NAV2: variants seen among roughly 807,000 people sequenced by gnomAD.
NAV2 encodes the protein neuron navigator 2, also known as helicase, APC down-regulated 1.
Under a neutral mutation model 223.2 loss-of-function variants are expected in NAV2, and 54 were observed. That is an observed-to-expected ratio of 0.24 (90% CI 0.19 to 0.30). The LOEUF is 0.30. Ranked by LOEUF, NAV2 falls within the 10% of genes least tolerant of loss-of-function variation. The pLI is 1.00. For synonymous variants in NAV2, 1,279 were observed against 1,239.3 expected, an observed-to-expected ratio of 1.03 and a Z score of -0.67; for missense variants, 2,806 against 3,147.5, an observed-to-expected ratio of 0.89 and a Z score of 2.60.
intron 1 of NAV2, among the ~76,000 whole-genome samples, chr11:19,425,172 A>T (rs554110924): frequency 2.1e-4 from 32 of 152,334 alleles, no homozygotes; most frequent in African/African-American, 6.7e-4. Context: ...TAGTTCAGTG[A>T]AGAGATTGTT....
At chr11:19,853,653 A>G (rs7109746) in intron 3 of NAV2, among the ~76,000 whole-genome samples, 1,914 of 152,196 alleles carry the variant, frequency 0.013, 36 homozygotes, top group African/African-American at 0.043. Flanking sequence ...GAACTATTAT[A>G]TGTTCCAAAT....
In NAV2 at chr11:19,488,184, G is replaced by C. The variant is rs187851238; in HGVS notation, c.75+137157G>C. On this transcript the variant is annotated intron_variant, in intron 1 of 37. Transcript: ENST00000360655. ...ATAAAGGGGTTGGGTTGGTGAATCA[G>C]AACTGCAAGGTTTCTGGGACCACTG... Among the ~76,000 whole-genome samples the C allele has an allele frequency of 1.1e-4, 17 of 152,288 alleles. No individual in the cohort carries two copies. The East Asian group carries it at 2.7e-3, about 24-fold the overall frequency.
chr11:19,832,444 C>A, intron 1 of NAV2, 40 bp from the exon 2 acceptor site: 1 of 1,530,872 alleles, frequency 6.5e-7, no homozygotes, highest in Non-Finnish European at 9.0e-7. Flanking sequence ...AGAGGGGATC[C>A]GACTGGCTTC....
intron 1 of NAV2, among the ~76,000 whole-genome samples, chr11:19,605,621 G>A (rs993113314): frequency 6.6e-6 from 1 of 152,088 alleles, no homozygotes; most frequent in African/African-American, 2.4e-5. Flanking sequence ...GAGGATGGAA[G>A]GGTTAGCGGG....
At chr11:19,930,509 C>T (rs1354547009) in intron 6 of NAV2, among the ~76,000 whole-genome samples, 1 of 152,098 alleles carries the variant, frequency 6.6e-6, no homozygotes, top group Non-Finnish European at 1.5e-5. Flanking sequence ...CTAAGACCCC[C>T]GTCCTTTTCT....
intron 33 of NAV2, 60 bp downstream of exon 33, chr11:20,103,469 C>A (rs1310797155): frequency 3.2e-6 from 5 of 1,577,546 alleles, no homozygotes; most frequent in Non-Finnish European, 4.3e-6. Context: ...GCTGATGGGG[C>A]ACTGTGCACA....
chr11:19,954,019 G>T (rs185742757), intron 10 of NAV2, among the ~76,000 whole-genome samples: 24 of 152,274 alleles, frequency 1.6e-4, no homozygotes, highest in African/African-American at 5.8e-4. Flanking sequence ...AGGACCTTAT[G>T]CTTATATAAC....
chr11:19,927,438 C>T (rs904237875), intron 6 of NAV2, among the ~76,000 whole-genome samples: 16 of 152,254 alleles, frequency 1.1e-4, no homozygotes, highest in African/African-American at 2.9e-4. Context: ...AAAAATTAGC[C>T]GGGCATGGTG....
At chr11:19,829,463 G>A (rs903736313) in intron 1 of NAV2, among the ~76,000 whole-genome samples, 1 of 152,158 alleles carries the variant, frequency 6.6e-6, no homozygotes, top group African/African-American at 2.4e-5. Flanking sequence ...GGCTGTGGCC[G>A]ATTTTGTTAT....
At chr11:19,997,703 T>A (rs545082722) in intron 11 of NAV2, among the ~76,000 whole-genome samples, 15 of 152,294 alleles carry the variant, frequency 9.8e-5, no homozygotes, top group African/African-American at 3.6e-4. Flanking sequence ...TAGGGCTGTC[T>A]GGCTCTAAAG....
chr11:19,575,747 G>T (rs560126688), intron 1 of NAV2, among the ~76,000 whole-genome samples: 25 of 152,298 alleles, frequency 1.6e-4, no homozygotes, highest in African/African-American at 5.8e-4. Flanking sequence ...GCTCCCGATG[G>T]CCAGGGATCC....
At chr11:19,609,692 T>A (rs1241287624) in intron 1 of NAV2, among the ~76,000 whole-genome samples, 2 of 152,170 alleles carry the variant, frequency 1.3e-5, no homozygotes, top group Non-Finnish European at 2.9e-5. Context: ...CAGCCTTAAC[T>A]GCGGAGGGAG....
chr11:19,831,022 C>T (rs1412053050), intron 1 of NAV2, among the ~76,000 whole-genome samples: 1 of 151,910 alleles, frequency 6.6e-6, no homozygotes, highest in East Asian at 1.9e-4. Context: ...CAGTGGAAGA[C>T]AGAGCTTCTA....
chr11:19,695,421 T>C (rs1222185334), intron 1 of NAV2, among the ~76,000 whole-genome samples: 1 of 151,924 alleles, frequency 6.6e-6, no homozygotes, highest in African/African-American at 2.4e-5. Context: ...CTTTTTTTTT[T>C]CTAGATTTTG....
intron 1 of NAV2, among the ~76,000 whole-genome samples, chr11:19,496,571 A>G (rs1032134421): frequency 2.2e-4 from 33 of 152,314 alleles, no homozygotes; most frequent in African/African-American, 7.9e-4. Context: ...AACAAGGCAG[A>G]TGCCCCAGTG....
chr11:20,115,414 C>G (rs570573351), intron 37 of NAV2, among the ~76,000 whole-genome samples: 1 of 151,858 alleles, frequency 6.6e-6, no homozygotes, highest in Non-Finnish European at 1.5e-5. Flanking sequence ...GCGGGTGGAT[C>G]GAGGTCAGGA....
intron 11 of NAV2, among the ~76,000 whole-genome samples, chr11:20,026,368 T>C (rs1001444921): frequency 6.6e-6 from 1 of 152,128 alleles, no homozygotes; most frequent in Admixed American, 6.6e-5. Flanking sequence ...TGGAGTTCAG[T>C]GATGCAATCT....
chr11:19,460,186 C>G (rs1342197462), intron 1 of NAV2, among the ~76,000 whole-genome samples: 1 of 152,188 alleles, frequency 6.6e-6, no homozygotes, highest in East Asian at 1.9e-4. Flanking sequence ...AGTTTCTTTC[C>G]TTTTTCCTTT....
At chr11:19,388,690 T>C (rs564909727) in intron 1 of NAV2, among the ~76,000 whole-genome samples, 1 of 152,298 alleles carries the variant, frequency 6.6e-6, no homozygotes, top group East Asian at 1.9e-4. Context: ...ACGTTAGCAG[T>C]GTAGGTACGC....
Sources: gnomAD v4.1 joint callset for allele counts (sites outside exome capture counted in the v4.1 genomes callset) on GRCh38, gnomAD v4.1.1 for gene constraint, MANE v1.5 for transcripts, NCBI Gene and HGNC (gene_info 2026-07-23, HGNC 2026-07-21) for gene names.